The following COLEC10 variants were observed in gnomAD, a reference collection of about 807,000 sequenced individuals.
COLEC10 encodes the protein collectin subfamily member 10.
A neutral mutation model predicts 28.4 loss-of-function variants in COLEC10; 22 were observed. The ratio of observed to expected loss-of-function variants is 0.78; its 90% CI spans 0.55 to 1.11. The LOEUF (loss-of-function observed/expected upper bound fraction) is 1.11, where lower values mean the gene tolerates loss of function less well. Among genes scored for constraint, COLEC10 ranks in the 50% least tolerant of loss-of-function variants. The pLI is 0.00. For synonymous variants in COLEC10, 125 were observed against 116.1 expected, an observed-to-expected ratio of 1.08 and a Z score of -0.49; for missense variants, 361 against 344.1, an observed-to-expected ratio of 1.05 and a Z score of -0.39.
intron 2 of COLEC10, among the ~76,000 whole-genome samples, chr8:119,055,975 A>AC (rs1814753732): frequency 6.6e-6 from 1 of 152,084 alleles, no homozygotes; most frequent in Non-Finnish European, 1.5e-5. Context: ...GCCAACAGAC[A>AC]CCAACTCCAC....
intron 1 of COLEC10, 185 bp downstream of exon 1, chr8:119,067,614 A>G: frequency 7.2e-6 from 4 of 551,870 alleles, no homozygotes; most frequent in Non-Finnish European, 1.2e-5. Flanking sequence ...CTCTCCTTTG[A>G]TGTTAGGTAA....
the COLEC10 span, among the ~76,000 whole-genome samples, chr8:118,981,342 C>T: frequency 6.6e-6 from 1 of 152,072 alleles, no homozygotes; most frequent in Non-Finnish European, 1.5e-5. Context: ...ATTTAATTTT[C>T]AGTTATGTTG....
chr8:119,005,602 T>G (rs912225179), intron 1 of COLEC10, among the ~76,000 whole-genome samples: 5 of 152,140 alleles, frequency 3.3e-5, no homozygotes, highest in Non-Finnish European at 7.4e-5. Context: ...ACTTCCCAAA[T>G]AAATTACCTT....
the COLEC10 span, among the ~76,000 whole-genome samples, chr8:118,952,730 C>T: frequency 5.3e-5 from 8 of 152,314 alleles, no homozygotes; most frequent in African/African-American, 1.7e-4. Context: ...GAGCTTCCTA[C>T]GCGCTGAACT....
chr8:118,992,311 TTCAA>T (rs1813516956), upstream of COLEC10, among the ~76,000 whole-genome samples: 1 of 152,120 alleles, frequency 6.6e-6, no homozygotes, highest in Non-Finnish European at 1.5e-5. Flanking sequence ...ACATCCTCTC[TTCAA>T]TGGAAAAGCT....
chr8:119,014,987 AT>A, intron 2 of COLEC10, among the ~76,000 whole-genome samples: 1 of 151,036 alleles, frequency 6.6e-6, no homozygotes, highest in South Asian at 2.1e-4. Flanking sequence ...TAGTTTAACC[AT>A]TAGGGCCCTT....
chr8:119,086,649 G>A (rs72682430), intron 1 of COLEC10, among the ~76,000 whole-genome samples: 10,330 of 152,206 alleles, frequency 0.068, 467 homozygotes, highest in Middle Eastern at 0.17. Context: ...TCACTCACCC[G>A]GCTGCCTCTG....
At chr8:119,086,243 T>C (rs1336703041) in intron 1 of COLEC10, among the ~76,000 whole-genome samples, 2 of 152,194 alleles carry the variant, frequency 1.3e-5, no homozygotes, top group East Asian at 1.9e-4. Context: ...TTTTGTAAAA[T>C]TGAAATTAGC....
chr8:119,028,938 G>A (rs1275285699), intron 2 of COLEC10, among the ~76,000 whole-genome samples: 1 of 152,168 alleles, frequency 6.6e-6, no homozygotes, highest in East Asian at 1.9e-4. Context: ...TGTTAATGGT[G>A]CTAGATGCAA....
intron 1 of COLEC10, among the ~76,000 whole-genome samples, chr8:119,084,104 T>C (rs900257520): frequency 2.0e-5 from 3 of 152,142 alleles, no homozygotes; most frequent in African/African-American, 7.2e-5. Flanking sequence ...TAAATTTCCA[T>C]CACAAAGCTA....
At chr8:118,954,558 G>C in the COLEC10 span, among the ~76,000 whole-genome samples, 1 of 152,214 alleles carries the variant, frequency 6.6e-6, no homozygotes, top group Non-Finnish European at 1.5e-5. Flanking sequence ...TCCCTCATTG[G>C]CAGAGGCCAT....
intron 2 of COLEC10, among the ~76,000 whole-genome samples, chr8:119,025,742 C>A (rs1051035857): frequency 6.6e-5 from 10 of 152,168 alleles, no homozygotes; most frequent in Admixed American, 4.6e-4. Flanking sequence ...GCTCTAGGTT[C>A]TCTGTGTACA....
At chr8:118,952,918 G>A in the COLEC10 span, among the ~76,000 whole-genome samples, 1 of 152,206 alleles carries the variant, frequency 6.6e-6, no homozygotes, top group African/African-American at 2.4e-5. Context: ...CACTGAAATT[G>A]TTTACAGATG....
At chr8:118,980,055 C>T in the COLEC10 span, among the ~76,000 whole-genome samples, 9 of 151,962 alleles carry the variant, frequency 5.9e-5, no homozygotes, top group Admixed American at 5.3e-4. Flanking sequence ...CTTCTTACAA[C>T]CTAATTTCAG....
intron 1 of COLEC10, among the ~76,000 whole-genome samples, chr8:119,069,167 C>A (rs1009266492): frequency 3.9e-5 from 6 of 151,998 alleles, no homozygotes; most frequent in Admixed American, 1.3e-4. Context: ...CCAATTTATG[C>A]TTTTTCTTTG....
At chr8:119,089,895 G>A (rs1014917753) in intron 2 of COLEC10, 144 bp downstream of exon 2, 17 of 654,318 alleles carry the variant, frequency 2.6e-5, no homozygotes, top group Middle Eastern at 4.0e-4. Flanking sequence ...GAATTAACTC[G>A]CCATCTGAAT....
At chr8:119,040,581 C>T (rs1383305299) in intron 2 of COLEC10, among the ~76,000 whole-genome samples, 1 of 152,174 alleles carries the variant, frequency 6.6e-6, no homozygotes, top group Admixed American at 6.5e-5. Flanking sequence ...ACTGTGCTCT[C>T]CTCTCTGTTG....
intron 1 of COLEC10, among the ~76,000 whole-genome samples, chr8:119,069,366 A>G (rs890124986): frequency 6.6e-6 from 1 of 151,854 alleles, no homozygotes; most frequent in Non-Finnish European, 1.5e-5. Flanking sequence ...AGGCCAAGGC[A>G]GGTGGATCAC....
At chr8:119,099,367 T>C (rs1441192467) in intron 3 of COLEC10, among the ~76,000 whole-genome samples, 2 of 152,104 alleles carry the variant, frequency 1.3e-5, no homozygotes, top group East Asian at 3.9e-4. Flanking sequence ...GAGCATTCTA[T>C]GTGAGTCAAG....
Sources: gnomAD v4.1 joint callset for allele counts (sites outside exome capture counted in the v4.1 genomes callset) on GRCh38, gnomAD v4.1.1 for gene constraint, MANE v1.5 for transcripts, NCBI Gene and HGNC (gene_info 2026-07-23, HGNC 2026-07-21) for gene names.